Variants in ORMDL1 observed in about 807,000 individuals in gnomAD.
The protein encoded by ORMDL1 is ORMDL sphingolipid biosynthesis regulator 1, also known as ORM1-like protein 1.
In ORMDL1, 10 loss-of-function variants were observed where a neutral mutation model predicts 13.0. The ratio of observed to expected loss-of-function variants is 0.77; its 90% confidence interval spans 0.47 to 1.30. ORMDL1 has a LOEUF of 1.30. Ranked by LOEUF, ORMDL1 falls within the 50% of genes most tolerant of loss-of-function variation. ORMDL1 has a pLI of 0.00. For synonymous variants in ORMDL1, 61 were observed against 63.9 expected (o/e 0.95, Z 0.22); for missense variants, 171 against 186.7 (o/e 0.92, Z 0.49).
chr2:189,767,028 C>T (rs1559185083), downstream of ORMDL1, among the ~76,000 whole-genome samples: 1 of 152,164 alleles, frequency 6.6e-6, no homozygotes. Flanking sequence ...GGATTGCTTC[C>T]ACCTTCTGGC....
At chr2:189,766,264 A>C (rs2047481493), downstream of ORMDL1, among the ~76,000 whole-genome samples, 1 of 152,228 alleles carries the variant, frequency 6.6e-6, no homozygotes, top group Non-Finnish European at 1.5e-5. Flanking sequence ...CTTATTTTAC[A>C]AATTAACTTT....
chr2:189,769,612 C>A (rs2047538424), downstream of ORMDL1, among the ~76,000 whole-genome samples: 1 of 152,056 alleles, frequency 6.6e-6, no homozygotes, highest in Non-Finnish European at 1.5e-5. Flanking sequence ...CTTGTAAGAG[C>A]TCCTAATGGT....
At position 189,773,722 on chromosome 2, in the gene ORMDL1, CAAAA is replaced by C. The variant is rs56366510; in HGVS notation, c.327-1824_327-1821del. Reference sequence around the variant, plus strand: ...GGGCAGCAGAGCAAGACTCTTGTCTCAAAAAAAAAAAAAATTCTGGAATAACATT... The same window carrying C: ...GGGCAGCAGAGCAAGACTCTTGTCTCAAAAAAAAAATTCTGGAATAACATT... On this transcript the variant is annotated intron_variant, in intron 4 of 4. Transcript: ENST00000392349. Among the ~76,000 whole-genome samples the C allele has an allele frequency of 3.6e-3, 231 of 64,324 alleles. 6 individuals are homozygous for C. Among genetic ancestry groups the C allele is most frequent in the African/African-American group, 0.014 (218 of 15,544 alleles). 42.2% of individuals were successfully genotyped at this position (64,324 alleles called of 152,430 possible). A position where few individuals can be genotyped will look rare whatever the true frequency, so the allele number is the denominator to read the frequency against.
intron 1 of ORMDL1, 159 bp from the exon 2 acceptor site, chr2:189,783,282 C>T (rs1259549892): frequency 6.6e-6 from 1 of 152,162 alleles, no homozygotes; most frequent in Non-Finnish European, 1.5e-5. Context: ...AAGGTTTTCC[C>T]TTCTCCTTTC....
Position 189,781,039 on chromosome 2 carries a change from G to A in ORMDL1, c.174+1383C>T, listed in dbSNP as rs941692245. Among the ~76,000 whole-genome samples, 8 of 152,020 alleles carry A rather than the reference G, an allele frequency of 5.3e-5. No individual in the cohort carries two copies. The South Asian group carries it at 1.7e-3, about 32-fold the overall frequency. On this transcript the variant is annotated intron_variant, in intron 3 of 4. Coordinates refer to ENST00000392349, the MANE Select transcript of ORMDL1 (RefSeq NM_016467.5). ...AGCGATTCTCCTACCTCAGCCTCCCGAATAGCTGGGACTATAGATGTGCTG... is the reference window on the plus strand; with the variant it reads ...AGCGATTCTCCTACCTCAGCCTCCCAAATAGCTGGGACTATAGATGTGCTG...
chr2:189,778,176 C>G (rs1480251532), intron 3 of ORMDL1: 1 of 433,160 alleles, frequency 2.3e-6, no homozygotes, highest in Admixed American at 2.7e-5. Context: ...GGGCAGATCA[C>G]CTGAGGTTGG....
chr2:189,775,650 T>C lies in ORMDL1; in HGVS notation c.241A>G (p.Arg81Gly). 1.2e-6 allele frequency: 2 copies of C among 1,614,002 alleles called. No individual in the cohort carries two copies. Among genetic ancestry groups the C allele is most frequent in the Non-Finnish European group, 1.7e-6 (2 of 1,179,882 alleles). Residue 81 changes from arginine to glycine, a missense_variant, in exon 4 of 5, where the codon AGG (arginine) becomes GGG (glycine). Transcript: ENST00000392349. ...PFETPDQGKA[R>G]LLTHWEQLDY... ...AGTTGTTCCCAATGAGTTAGGAGCC[T>C]TGCTTTACCCTGGTCAGGAGTTTCG...
intron 1 of ORMDL1, 139 bp from the exon 2 acceptor site, chr2:189,783,262 C>T (rs982862886): frequency 6.6e-6 from 1 of 152,000 alleles, no homozygotes; most frequent in Non-Finnish European, 1.5e-5. Context: ...TTTCTTTCTT[C>T]TTTTTAAAAA....
At chr2:189,773,801 C>G (rs2047633563) in intron 4 of ORMDL1, 1 of 150,474 alleles carries the variant, frequency 6.6e-6, no homozygotes, top group Admixed American at 6.6e-5. Context: ...TGTGAAAGCA[C>G]TGAAAAGTCC....
chr2:189,767,678 A>C (rs1297850622), downstream of ORMDL1, among the ~76,000 whole-genome samples: 5 of 152,194 alleles, frequency 3.3e-5, no homozygotes, highest in African/African-American at 9.6e-5. Context: ...GAGTGAACGG[A>C]CACTGTGATA....
chr2:189,770,973 T>C lies in ORMDL1; in HGVS notation c.*794A>G, dbSNP rs1175645583. The C allele has an allele frequency of 2.6e-5, 4 of 152,232 alleles. No individual in the cohort carries two copies. The highest frequency in any genetic ancestry group is 4.4e-5 in the Non-Finnish European group (3 of 68,032). 9.4% of individuals were successfully genotyped at this position (152,232 alleles called of 1,614,324 possible). On this transcript the variant is annotated 3_prime_UTR_variant, in exon 5 of 5. Coordinates refer to ENST00000392349, the MANE Select transcript of ORMDL1 (RefSeq NM_016467.5). Reference sequence around the variant, plus strand: ...TTGTTCAACCAAATAAGCAGACACCTTTAAATTACCATATATTTTTTAGTT... The same window carrying C: ...TTGTTCAACCAAATAAGCAGACACCCTTAAATTACCATATATTTTTTAGTT...
intron 3 of ORMDL1, 69 bp from the exon 4 acceptor site, chr2:189,775,785 A>G: frequency 1.4e-6 from 2 of 1,477,958 alleles, no homozygotes; most frequent in Non-Finnish European, 1.8e-6. Flanking sequence ...CAGTAGCATT[A>G]ACGAGGTTCC....
downstream of ORMDL1, among the ~76,000 whole-genome samples, chr2:189,769,335 C>T (rs770507186): frequency 2.6e-5 from 4 of 151,514 alleles, no homozygotes; most frequent in Non-Finnish European, 5.9e-5. Flanking sequence ...TGCAGTGAGC[C>T]GGGATCACGC....
chr2:189,775,361 G>A, intron 4 of ORMDL1: 1 of 493,560 alleles, frequency 2.0e-6, no homozygotes, highest in Non-Finnish European at 3.5e-6. Context: ...ATGTAATATT[G>A]TCTCCGTATA....
chr2:189,779,455 A>G (rs1167354402), intron 3 of ORMDL1, among the ~76,000 whole-genome samples: 1 of 152,246 alleles, frequency 6.6e-6, no homozygotes, highest in Non-Finnish European at 1.5e-5. Flanking sequence ...AAGAAAATAT[A>G]GTAGAAAAGC....
At chr2:189,764,087 A>G in the ORMDL1 span, 1 of 152,236 alleles carries the variant, frequency 6.6e-6, no homozygotes, top group Non-Finnish European at 1.5e-5. Context: ...AAGTCAGGAC[A>G]TCTGGCACTG....
chr2:189,769,098 A>G (rs2047529821), downstream of ORMDL1, among the ~76,000 whole-genome samples: 1 of 152,120 alleles, frequency 6.6e-6, no homozygotes, highest in Non-Finnish European at 1.5e-5. Context: ...AAGCTAAGGT[A>G]GGGGGCCCGG....
chr2:189,782,372 A>G (rs774389297), intron 3 of ORMDL1, 50 bp downstream of exon 3: 1 of 1,496,318 alleles, frequency 6.7e-7, no homozygotes, highest in Non-Finnish European at 9.1e-7. Flanking sequence ...ATTTCCGGCA[A>G]CCACTAAACT....
intron 3 of ORMDL1, chr2:189,778,262 G>A (rs2047743483): frequency 2.5e-6 from 1 of 406,942 alleles, no homozygotes; most frequent in Admixed American, 2.8e-5. Flanking sequence ...AGGCATGGTG[G>A]TGCACACCTG....
Sources: gnomAD v4.1 joint callset for allele counts (sites outside exome capture counted in the v4.1 genomes callset) on GRCh38, gnomAD v4.1.1 for gene constraint, MANE v1.5 for transcripts, NCBI Gene and HGNC (gene_info 2026-07-23, HGNC 2026-07-21) for gene names.